Variants in RSBN1L observed in about 807,000 individuals in gnomAD.
RSBN1L encodes round spermatid basic protein 1 like, also known as lysine-specific demethylase RSBN1L.
In RSBN1L, 30 loss-of-function variants were observed where a neutral mutation model predicts 67.7. The ratio of observed to expected loss-of-function variants is 0.44; its 90% CI spans 0.33 to 0.60. RSBN1L has a LOEUF of 0.60. RSBN1L is among the 20% of genes least tolerant of loss of function. The pLI, the probability that RSBN1L is intolerant of heterozygous loss-of-function variation, is 0.02. For missense variants in RSBN1L, 992 were observed against 1,031.7 expected (o/e 0.96, Z 0.53); for synonymous variants, 433 against 387.0 (o/e 1.12, Z -1.39).
intron 2 of RSBN1L, among the ~76,000 whole-genome samples, chr7:77,747,247 GCTGCAGAAATTTGTGTAAATAA>G (rs1432240787): frequency 6.6e-6 from 1 of 152,320 alleles, no homozygotes; most frequent in East Asian, 1.9e-4. Flanking sequence ...GTTCAAGCAG[GCTGCAGAAATTTGTGTAAATAA>G]CTGCAGAAAT....
Position 77,782,908 on chromosome 7 carries a change from CAA to C in RSBN1L, c.*3742_*3743del, listed in dbSNP as rs1792017548. 1 of 152,022 alleles carries C rather than the reference CAA, an allele frequency of 6.6e-6. No individual in the cohort carries two copies. Among genetic ancestry groups the C allele is most frequent in the Admixed American group, 6.6e-5 (1 of 15,262 alleles). 9.4% of individuals were successfully genotyped at this position (152,022 alleles called of 1,614,324 possible). ...TGGACAGGTTCATTGTCATGTAAAA[CAA>C]ATATCTCAAAATTCATTTTACATTT... On this transcript the variant is annotated 3_prime_UTR_variant, in exon 8 of 8. Transcript: ENST00000334955.
chr7:77,742,402 CAT>C (rs925059550), intron 2 of RSBN1L, among the ~76,000 whole-genome samples: 3 of 152,140 alleles, frequency 2.0e-5, no homozygotes, highest in Admixed American at 6.6e-5. Context: ...TGTGACAACA[CAT>C]GTGAAATCTT....
chr7:77,734,681 G>A (rs998269822), intron 1 of RSBN1L, among the ~76,000 whole-genome samples: 2 of 152,100 alleles, frequency 1.3e-5, no homozygotes, highest in Non-Finnish European at 2.9e-5. Context: ...TATAGATGGG[G>A]TTTTGTCACA....
chr7:77,773,130 C>T lies in RSBN1L; in HGVS notation c.1626-17C>T, dbSNP rs1562810832. The T allele has an allele frequency of 2.0e-6, 3 of 1,485,402 alleles. No individual in the cohort carries two copies. Among genetic ancestry groups the T allele is most frequent in the Non-Finnish European group, 2.7e-6 (3 of 1,093,888 alleles). The allele number at this position is 1,485,402 out of a possible 1,614,324, so 92.0% of individuals were successfully genotyped here. Reference sequence around the variant, plus strand: ...AGTGTCACTATATAAATGTAATTTTCTTTTTTTAAAAAACAGAACTACCAA... The same window carrying T: ...AGTGTCACTATATAAATGTAATTTTTTTTTTTTAAAAAACAGAACTACCAA... On this transcript the variant is annotated splice_polypyrimidine_tract_variant and intron_variant, in intron 5 of 7. Coordinates refer to ENST00000334955, the MANE Select transcript of RSBN1L (RefSeq NM_198467.3).
chr7:77,764,783 A>G (rs1791740612), intron 3 of RSBN1L, among the ~76,000 whole-genome samples: 1 of 151,810 alleles, frequency 6.6e-6, no homozygotes, highest in African/African-American at 2.4e-5. Context: ...CGCGCCGGCC[A>G]CCACACTCGG....
At chr7:77,750,940 T>C (rs1218430793) in intron 3 of RSBN1L, among the ~76,000 whole-genome samples, 2 of 152,148 alleles carry the variant, frequency 1.3e-5, no homozygotes, top group Non-Finnish European at 2.9e-5. Context: ...TTGTCAGCAG[T>C]GTCAGGATTA....
At chr7:77,770,765 TGTAGA>T (rs1288192391) in intron 5 of RSBN1L, among the ~76,000 whole-genome samples, 1 of 152,300 alleles carries the variant, frequency 6.6e-6, no homozygotes, top group South Asian at 2.1e-4. Context: ...AACAGCCAAA[TGTAGA>T]GTAATGTATC....
rs531942626 is a variant in RSBN1L, at chr7:77,782,635, T to C, written c.*3467T>C. The C allele has an allele frequency of 7.0e-4, 107 of 152,308 alleles. No homozygotes were observed. The highest frequency in any genetic ancestry group is 2.5e-3 in the African/African-American group (105 of 41,562). The allele number at this position is 152,308 out of a possible 1,614,324, so 9.4% of individuals were successfully genotyped here. On this transcript the variant is annotated 3_prime_UTR_variant, in exon 8 of 8. Coordinates refer to ENST00000334955, the MANE Select transcript of RSBN1L (RefSeq NM_198467.3). ...ATTTGTGTGTGTGCATGTGCCTGTTTTTGTGTGTGTATGTTTGTGGGAAAT... is the reference window on the plus strand; with the variant it reads ...ATTTGTGTGTGTGCATGTGCCTGTTCTTGTGTGTGTATGTTTGTGGGAAAT...
Position 77,696,581 on chromosome 7 carries a change from G to C in RSBN1L, c.112G>C (p.Gly38Arg), listed in dbSNP as rs773909715. ...KLQLSSRDPP[G>R]SLSAKKVRTE... ...GCAACTCTCCTCCCGGGACCCTCCG[G>C]GTTCTCTGTCCGCCAAGAAGGTCCG... The change falls in exon 1 of 8, where the codon GGT (glycine) becomes CGT (arginine). Residue 38 changes from glycine (G) to arginine (R), a missense_variant. Physicochemically the swap from Gly to Arg is moderately radical, Grantham distance 125. This residue lies in a region of RSBN1L where 575 missense variants were observed against 483.2 expected (regional missense o/e 1.19). Coordinates refer to ENST00000334955, the MANE Select transcript of RSBN1L (RefSeq NM_198467.3). 4.9e-5 allele frequency: 79 copies of C among 1,614,012 alleles called. No individual in the cohort carries two copies. The highest frequency in any genetic ancestry group is 2.2e-4 in the Admixed American group (13 of 60,016).
chr7:77,705,019 A>G (rs908769700), intron 1 of RSBN1L, among the ~76,000 whole-genome samples: 4 of 151,988 alleles, frequency 2.6e-5, no homozygotes, highest in African/African-American at 7.2e-5. Context: ...ATGTATAAAT[A>G]TAAGAGTGAG....
At position 77,779,459 on chromosome 7, in the gene RSBN1L, T is replaced by TAA. The variant is rs1491047980; in HGVS notation, c.*293_*294dup. 7.2e-6 allele frequency: 1 copy of TAA among 139,220 alleles called. No homozygotes were observed. Among genetic ancestry groups the TAA allele is most frequent in the Non-Finnish European group, 1.6e-5 (1 of 64,126 alleles). 8.6% of individuals were successfully genotyped at this position (139,220 alleles called of 1,614,324 possible). On this transcript the variant is annotated 3_prime_UTR_variant, in exon 8 of 8. Coordinates refer to ENST00000334955, the MANE Select transcript of RSBN1L (RefSeq NM_198467.3). ...TGACATTAACATATATATATATATATAAATATATATATATATTTTGTAATA... is the reference window on the plus strand; with the variant it reads ...TGACATTAACATATATATATATATATAAAAATATATATATATATTTTGTAATA...
At chr7:77,712,117 T>C (rs1362493780) in intron 1 of RSBN1L, among the ~76,000 whole-genome samples, 1 of 152,150 alleles carries the variant, frequency 6.6e-6, no homozygotes, top group African/African-American at 2.4e-5. Flanking sequence ...TAATAATATA[T>C]GTTCATTGTA....
intron 2 of RSBN1L, among the ~76,000 whole-genome samples, chr7:77,745,485 A>G (rs974228813): frequency 6.6e-6 from 1 of 152,236 alleles, no homozygotes; most frequent in Non-Finnish European, 1.5e-5. Context: ...TGATTGACAT[A>G]TAGTATACAG....
At chr7:77,709,188 GTGTGTGTGTA>G (rs1403423219) in intron 1 of RSBN1L, among the ~76,000 whole-genome samples, 4,785 of 141,624 alleles carry the variant, frequency 0.034, 242 homozygotes, top group African/African-American at 0.11. Context: ...GTGTGTGTGT[GTGTGTGTGTA>G]TGTATGTGTA....
Position 77,773,475 on chromosome 7 carries a change from T to C in RSBN1L, c.1793+161T>C, listed in dbSNP as rs184462299. Reference sequence around the variant, plus strand: ...AATTGTACTAAAGATTTTAAATTGCTAGAATCTGGCTGGGTGGGGTGGCTC... The same window carrying C: ...AATTGTACTAAAGATTTTAAATTGCCAGAATCTGGCTGGGTGGGGTGGCTC... On this transcript the variant is annotated intron_variant, in intron 6 of 7. Coordinates refer to ENST00000334955, the MANE Select transcript of RSBN1L (RefSeq NM_198467.3). The C allele has an allele frequency of 3.6e-3, 1,760 of 485,142 alleles. 5 individuals carry two copies. The highest frequency in any genetic ancestry group is 5.1e-3 in the Non-Finnish European group (1,504 of 296,068). 30.1% of individuals were successfully genotyped at this position (485,142 alleles called of 1,614,324 possible).
At chr7:77,763,370 G>A (rs1584301017) in intron 3 of RSBN1L, among the ~76,000 whole-genome samples, 2 of 151,906 alleles carry the variant, frequency 1.3e-5, no homozygotes, top group African/African-American at 2.4e-5. Context: ...AATGGTTATC[G>A]TCTCTCAAAA....
chr7:77,745,186 G>A (rs374461721), intron 2 of RSBN1L, among the ~76,000 whole-genome samples: 37 of 151,972 alleles, frequency 2.4e-4, no homozygotes, highest in African/African-American at 8.2e-4. Flanking sequence ...ACTTGAACCC[G>A]GGAGGCGGAG....
At chr7:77,768,429 G>T in intron 4 of RSBN1L, 1 of 427,778 alleles carries the variant, frequency 2.3e-6, no homozygotes, top group Non-Finnish European at 4.2e-6. Flanking sequence ...CCTCTAGCAG[G>T]GTATAGGGAC....
At chr7:77,727,183 G>A (rs181065669) in intron 1 of RSBN1L, among the ~76,000 whole-genome samples, 1 of 151,958 alleles carries the variant, frequency 6.6e-6, no homozygotes, top group African/African-American at 2.4e-5. Flanking sequence ...CGCCTCCTAG[G>A]TTCAAGCGAT....
Sources: gnomAD v4.1 joint callset for allele counts (sites outside exome capture counted in the v4.1 genomes callset) on GRCh38, gnomAD v4.1.1 for gene constraint, gnomAD v4.1.1 regional missense constraint, MANE v1.5 for transcripts, NCBI Gene and HGNC (gene_info 2026-07-23, HGNC 2026-07-21) for gene names.